Variants in CYLD observed in about 807,000 individuals in gnomAD.
CYLD encodes ubiquitin carboxyl-terminal hydrolase CYLD.
A neutral mutation model predicts 104.5 loss-of-function variants in CYLD; 26 were observed. The observed-to-expected ratio is 0.25, with a 90% CI of 0.18 to 0.35. The LOEUF (loss-of-function observed/expected upper bound fraction) is 0.35, where lower values mean the gene tolerates loss of function less well. Among genes scored for constraint, CYLD ranks in the 10% least tolerant of loss-of-function variants. CYLD has a pLI of 1.00. For synonymous variants in CYLD, 385 were observed against 399.9 expected, an observed-to-expected ratio of 0.96 and a Z score of 0.45; for missense variants, 703 against 1,136.1, an observed-to-expected ratio of 0.62 and a Z score of 5.48.
intron 5 of CYLD, among the ~76,000 whole-genome samples, chr16:50,764,686 T>G (rs1968303220): frequency 6.6e-6 from 1 of 152,186 alleles, no homozygotes; most frequent in African/African-American, 2.4e-5. Context: ...TCTAAGCCCG[T>G]AGTTCTCAGC....
chr16:50,769,980 A>G (rs912211326), intron 5 of CYLD, among the ~76,000 whole-genome samples: 2 of 152,122 alleles, frequency 1.3e-5, no homozygotes, highest in African/African-American at 4.8e-5. Flanking sequence ...ATATATATCC[A>G]TGGATTGTTC....
At chr16:50,777,279 A>T (rs1308756127) in intron 7 of CYLD, among the ~76,000 whole-genome samples, 1 of 152,190 alleles carries the variant, frequency 6.6e-6, no homozygotes, top group African/African-American at 2.4e-5. Context: ...TCGCCCTCTC[A>T]CGTATAATAA....
At position 50,796,248 on chromosome 16, in the gene CYLD, G is replaced by A. The variant is rs1276811241; in HGVS notation, c.2687-76G>A. ...AGCCTGAAATTAGCTTTTTGGAAATGATAGGATTATAAAATCACTGGCAAA... is the reference window on the plus strand; with the variant it reads ...AGCCTGAAATTAGCTTTTTGGAAATAATAGGATTATAAAATCACTGGCAAA... On this transcript the variant is annotated intron_variant, in intron 18 of 18. Coordinates refer to ENST00000427738, the MANE Select transcript of CYLD (RefSeq NM_001378743.1). 3 of 1,457,980 alleles carry A rather than the reference G, an allele frequency of 2.1e-6. No homozygotes were observed. In the African/African-American group the frequency reaches 4.2e-5, roughly 20 times the overall value. 90.3% of individuals were successfully genotyped at this position (1,457,980 alleles called of 1,614,324 possible).
At chr16:50,761,307 G>A (rs1382096419) in intron 5 of CYLD, among the ~76,000 whole-genome samples, 1 of 152,044 alleles carries the variant, frequency 6.6e-6, no homozygotes, top group Non-Finnish European at 1.5e-5. Context: ...TACCTAACAG[G>A]ATGTACCATT....
chr16:50,778,069 C>T, intron 8 of CYLD, 128 bp downstream of exon 8: 1 of 647,032 alleles, frequency 1.5e-6, no homozygotes, highest in Non-Finnish European at 2.8e-6. Flanking sequence ...TGTAATATTG[C>T]TGAACTAAAA....
At chr16:50,758,073 A>G (rs1323103712) in intron 5 of CYLD, among the ~76,000 whole-genome samples, 2 of 152,162 alleles carry the variant, frequency 1.3e-5, no homozygotes, top group African/African-American at 4.8e-5. Context: ...GTAAATATGT[A>G]ATGTGTATGA....
intron 5 of CYLD, 151 bp downstream of exon 5, chr16:50,754,575 C>T (rs906515982): frequency 9.4e-6 from 6 of 638,270 alleles, no homozygotes; most frequent in Non-Finnish European, 1.7e-5. Flanking sequence ...GTGCACCCGT[C>T]ACCCGAGAAG....
At chr16:50,752,092 G>A (rs1322492935) in intron 4 of CYLD, among the ~76,000 whole-genome samples, 186 bp downstream of exon 4, 1 of 150,736 alleles carries the variant, frequency 6.6e-6, no homozygotes, top group African/African-American at 2.4e-5. Context: ...TATTTAACAT[G>A]ATCTAATTTG....
intron 5 of CYLD, among the ~76,000 whole-genome samples, chr16:50,757,686 G>C (rs935338214): frequency 6.6e-6 from 1 of 151,882 alleles, no homozygotes; most frequent in Non-Finnish European, 1.5e-5. Context: ...ACAGGCGCCC[G>C]CCACCACGCC....
At chr16:50,775,398 T>C (rs1275435861) in intron 6 of CYLD, among the ~76,000 whole-genome samples, 1 of 152,222 alleles carries the variant, frequency 6.6e-6, no homozygotes, top group Non-Finnish European at 1.5e-5. Flanking sequence ...TTTCTTCAAA[T>C]ATATTATTGT....
chr16:50,786,987 G>A (rs1329053323), intron 13 of CYLD, 41 bp downstream of exon 13: 1 of 1,468,492 alleles, frequency 6.8e-7, no homozygotes, highest in Non-Finnish European at 9.5e-7. Context: ...TAACTGAAGA[G>A]CATATTCACA....
Position 50,764,220 on chromosome 16 carries a change from C to T in CYLD, c.913+9796C>T, listed in dbSNP as rs112139691. On this transcript the variant is annotated intron_variant, in intron 5 of 18. Coordinates refer to ENST00000427738, the MANE Select transcript of CYLD (RefSeq NM_001378743.1). ...AAGTCGTGCTTGTCTCATAAAGTACCTGGGAAAGGTTTCTTTTATTTTGTT... is the reference window on the plus strand; with the variant it reads ...AAGTCGTGCTTGTCTCATAAAGTACTTGGGAAAGGTTTCTTTTATTTTGTT... Among the ~76,000 whole-genome samples the T allele has an allele frequency of 1.6e-4, 25 of 152,206 alleles. 1 individual carries two copies. The highest frequency in any genetic ancestry group is 6.0e-4 in the African/African-American group (25 of 41,526).
chr16:50,785,475 T>C (rs1191453782), intron 12 of CYLD: 2 of 152,238 alleles, frequency 1.3e-5, no homozygotes. Context: ...TTTAAGATAA[T>C]TGTGAATCTT....
intron 11 of CYLD, chr16:50,783,920 G>A (rs530456194): frequency 4.4e-6 from 1 of 228,504 alleles, no homozygotes; most frequent in African/African-American, 2.3e-5. Context: ...TGGGGAGAGG[G>A]AAGTGGGGCA....
Position 50,798,504 on chromosome 16 carries a change from G to T in CYLD, c.*1996G>T, listed in dbSNP as rs1365369367. On this transcript the variant is annotated 3_prime_UTR_variant, in exon 19 of 19. Transcript: ENST00000427738. ...TTATATGCAAATTCTGTACCATTTT[G>T]TATCAGGGAATTGAGCATCTTCAGA... The T allele has an allele frequency of 8.6e-6, 2 of 231,310 alleles. No homozygotes were observed. The highest frequency in any genetic ancestry group is 1.1e-4 in the Admixed American group (2 of 17,674). The allele number at this position is 231,310 out of a possible 1,614,324, so 14.3% of individuals were successfully genotyped here.
At chr16:50,768,549 C>A (rs913212176) in intron 5 of CYLD, among the ~76,000 whole-genome samples, 2 of 152,146 alleles carry the variant, frequency 1.3e-5, no homozygotes, top group Non-Finnish European at 2.9e-5. Flanking sequence ...TGAAGGATAC[C>A]TTTGATTGAA....
chr16:50,754,459 A>G, intron 5 of CYLD, 35 bp downstream of exon 5: 1 of 1,404,010 alleles, frequency 7.1e-7, no homozygotes, highest in African/African-American at 1.4e-5. Context: ...TTATAAGGCA[A>G]ACTTTATTTT....
intron 11 of CYLD, among the ~76,000 whole-genome samples, chr16:50,783,586 T>C (rs1298577570): frequency 6.6e-6 from 1 of 152,186 alleles, no homozygotes; most frequent in Non-Finnish European, 1.5e-5. Context: ...TCGCCCAGGC[T>C]GGAATGCAGT....
At position 50,801,488 on chromosome 16, in the gene CYLD, T is replaced by C. The variant is rs1455246409; in HGVS notation, c.*4980T>C. ...TAGTACTTTCAAATATTGTCCACTT[T>C]AACTTAAAAAATTCTAGAGGGATTA... On this transcript the variant is annotated 3_prime_UTR_variant, in exon 19 of 19. Transcript: ENST00000427738. 4.3e-6 allele frequency: 1 copy of C among 233,878 alleles called. No homozygotes were observed. The highest frequency in any genetic ancestry group is 6.0e-5 in the East Asian group (1 of 16,718). The allele number at this position is 233,878 out of a possible 1,614,324, so 14.5% of individuals were successfully genotyped here. A position where few individuals can be genotyped will look rare whatever the true frequency, so the allele number is the denominator to read the frequency against.
Sources: gnomAD v4.1 joint callset for allele counts (sites outside exome capture counted in the v4.1 genomes callset) on GRCh38, gnomAD v4.1.1 for gene constraint, MANE v1.5 for transcripts, NCBI Gene and HGNC (gene_info 2026-07-23, HGNC 2026-07-21) for gene names.